The following EVA1C variants were observed in gnomAD, a reference collection of about 807,000 sequenced individuals.
EVA1C encodes protein eva-1 homolog C.
A neutral mutation model predicts 45.4 loss-of-function variants in EVA1C; 25 were observed. The observed-to-expected ratio is 0.55, with a 90% CI of 0.40 to 0.77. The LOEUF (loss-of-function observed/expected upper bound fraction) is 0.77. Among genes scored for constraint, EVA1C ranks in the 30% least tolerant of loss-of-function variants. EVA1C has a pLI of 0.00. For synonymous variants in EVA1C, 190 were observed against 221.2 expected, an observed-to-expected ratio of 0.86 and a Z score of 1.25; for missense variants, 479 against 554.8, an observed-to-expected ratio of 0.86 and a Z score of 1.37.
intron 3 of EVA1C, among the ~76,000 whole-genome samples, chr21:32,463,740 CA>C (rs11305870): frequency 0.43 from 59,618 of 137,178 alleles, 12,400 homozygotes; most frequent in East Asian, 0.56. Flanking sequence ...CAAAACAAAA[CA>C]AAAAAAAAAC....
At chr21:32,508,207 T>C (rs918943869) in intron 7 of EVA1C, among the ~76,000 whole-genome samples, 2 of 152,246 alleles carry the variant, frequency 1.3e-5, no homozygotes, top group African/African-American at 4.8e-5. Flanking sequence ...TACTGTTTCA[T>C]TGACATCTGG....
At chr21:32,424,500 A>G (rs1371325756) in intron 1 of EVA1C, among the ~76,000 whole-genome samples, 1 of 152,234 alleles carries the variant, frequency 6.6e-6, no homozygotes, top group Non-Finnish European at 1.5e-5. Context: ...TCAGGCTTAC[A>G]TGCCTCCCTT....
intron 1 of EVA1C, among the ~76,000 whole-genome samples, chr21:32,433,731 C>T (rs2034807303): frequency 6.6e-6 from 1 of 152,094 alleles, no homozygotes; most frequent in African/African-American, 2.4e-5. Flanking sequence ...CCCTCTCCCA[C>T]AAAAGACTTC....
intron 7 of EVA1C, among the ~76,000 whole-genome samples, chr21:32,513,373 G>A (rs999696910): frequency 1.3e-5 from 2 of 148,324 alleles, no homozygotes; most frequent in African/African-American, 4.9e-5. Flanking sequence ...GTACAGACGG[G>A]GTTTCACCAT....
At chr21:32,507,205 A>G (rs1327369504) in intron 7 of EVA1C, among the ~76,000 whole-genome samples, 2 of 152,228 alleles carry the variant, frequency 1.3e-5, no homozygotes, top group Non-Finnish European at 2.9e-5. Context: ...GGTTTCCCCA[A>G]CATTGAAAAA....
rs1361330605 is a variant in EVA1C at position 32,452,188 on chromosome 21, C to T, written c.161-1124C>T. On this transcript the variant is annotated intron_variant, in intron 1 of 7. Coordinates refer to ENST00000300255, the MANE Select transcript of EVA1C (RefSeq NM_058187.5). The surrounding 1 kb of genome is among the most constrained non-coding windows in gnomAD (Gnocchi z 4.0). ...AGGGGACACTCACCCCGATTTTTTT[C>T]CTGGTTTATAAAGGTGCTTCAGGAC... is the stretch of plus-strand genomic sequence containing the variant. The T allele has an allele frequency of 2.6e-5, 4 of 152,244 alleles. No homozygotes were observed. Among genetic ancestry groups the T allele is most frequent in the Non-Finnish European group, 5.9e-5 (4 of 68,064 alleles). The allele number at this position is 152,244 out of a possible 1,614,324, so 9.4% of individuals were successfully genotyped here. A position where few individuals can be genotyped will look rare whatever the true frequency, so the allele number is the denominator to read the frequency against.
At chr21:32,479,982 A>T (rs1343262087) in intron 4 of EVA1C, among the ~76,000 whole-genome samples, 1 of 151,988 alleles carries the variant, frequency 6.6e-6, no homozygotes, top group Non-Finnish European at 1.5e-5. Context: ...CTTTTTCTGG[A>T]TAAGTTTGGC....
chr21:32,439,026 G>A (rs112621990), intron 1 of EVA1C, among the ~76,000 whole-genome samples: 7 of 151,252 alleles, frequency 4.6e-5, no homozygotes, highest in East Asian at 2.0e-4. Context: ...ACTTGAAGTC[G>A]GGAGTTAGAG....
chr21:32,425,167 A>AAACAAACAAAC (rs2034440677), intron 1 of EVA1C, among the ~76,000 whole-genome samples: 1 of 151,420 alleles, frequency 6.6e-6, no homozygotes, highest in Non-Finnish European at 1.5e-5. Flanking sequence ...ACAAACAAAC[A>AAACAAACAAAC]AACAACAACA....
chr21:32,452,539 C>A lies in EVA1C; in HGVS notation c.161-773C>A, dbSNP rs1376843751. 1 of 152,284 alleles carries A rather than the reference C, an allele frequency of 6.6e-6. No individual in the cohort carries two copies. Among genetic ancestry groups the A allele is most frequent in the Non-Finnish European group, 1.5e-5 (1 of 68,060 alleles). 9.4% of individuals were successfully genotyped at this position (152,284 alleles called of 1,614,324 possible). A position where few individuals can be genotyped will look rare whatever the true frequency, so the allele number is the denominator to read the frequency against. On this transcript the variant is annotated intron_variant, in intron 1 of 7. Coordinates refer to ENST00000300255, the MANE Select transcript of EVA1C (RefSeq NM_058187.5). This position sits in a 1 kb window ranked among gnomAD's most constrained non-coding sequence, Gnocchi z 4.0. ...CAGTGGTCTCCTTCAGTTTTGCCAT[C>A]TGCAGGCGGCTTGTGTTAATCAGCT...
At chr21:32,411,884 C>T (rs1302752881), upstream of EVA1C, 1 of 152,322 alleles carries the variant, frequency 6.6e-6, no homozygotes, top group African/African-American at 2.4e-5. Flanking sequence ...GCAGGCCACT[C>T]CTAGGCCACT....
At chr21:32,488,642 G>A (rs532558449) in intron 4 of EVA1C, among the ~76,000 whole-genome samples, 3 of 151,082 alleles carry the variant, frequency 2.0e-5, no homozygotes, top group South Asian at 2.1e-4. Context: ...CTGGAGTGCA[G>A]TGGTGCAATC....
At chr21:32,442,826 G>C (rs902857819) in intron 1 of EVA1C, among the ~76,000 whole-genome samples, 6 of 151,978 alleles carry the variant, frequency 3.9e-5, no homozygotes, top group Admixed American at 6.6e-5. Context: ...CCTGCGTTCA[G>C]AGTGACTCAG....
At chr21:32,507,905 CTG>C (rs56289398) in intron 7 of EVA1C, among the ~76,000 whole-genome samples, 60,357 of 150,264 alleles carry the variant, frequency 0.4, 13,341 homozygotes, top group East Asian at 0.66. Flanking sequence ...ATGTGTGTAT[CTG>C]TGTGTGTGCG....
chr21:32,469,564 G>A (rs561579958), intron 4 of EVA1C, among the ~76,000 whole-genome samples: 117 of 152,218 alleles, frequency 7.7e-4, no homozygotes, highest in Non-Finnish European at 1.6e-3. Context: ...AAACAGAACC[G>A]ATAGGATACG....
chr21:32,488,523 T>C (rs2146379255), intron 4 of EVA1C, among the ~76,000 whole-genome samples: 1 of 152,226 alleles, frequency 6.6e-6, no homozygotes, highest in South Asian at 2.1e-4. Context: ...TATCTTGTTG[T>C]GGTTTTGATT....
intron 3 of EVA1C, among the ~76,000 whole-genome samples, chr21:32,459,632 G>A (rs1035859679): frequency 6.6e-5 from 10 of 151,842 alleles, no homozygotes; most frequent in African/African-American, 9.7e-5. Flanking sequence ...ACCTCAGGTC[G>A]GGTGTTTGAG....
At chr21:32,495,653 G>A (rs1406716815) in intron 5 of EVA1C, among the ~76,000 whole-genome samples, 1 of 152,164 alleles carries the variant, frequency 6.6e-6, no homozygotes, top group Non-Finnish European at 1.5e-5. Context: ...CAGATCAAAT[G>A]CTTACCCTAA....
intron 4 of EVA1C, among the ~76,000 whole-genome samples, chr21:32,481,247 A>G (rs974659714): frequency 1.6e-4 from 25 of 152,162 alleles, no homozygotes; most frequent in African/African-American, 4.6e-4. Flanking sequence ...TTTGTTCCCA[A>G]TGCAGGTAGC....
Sources: gnomAD v4.1 joint callset for allele counts (sites outside exome capture counted in the v4.1 genomes callset) on GRCh38, gnomAD v4.1.1 for gene constraint, Gnocchi (gnomAD v3.1) non-coding constraint, MANE v1.5 for transcripts, NCBI Gene and HGNC (gene_info 2026-07-23, HGNC 2026-07-21) for gene names.